HDHD5: variants seen among roughly 807,000 people sequenced by gnomAD.
HDHD5 encodes haloacid dehalogenase-like hydrolase domain-containing 5.
A neutral mutation model predicts 35.5 loss-of-function variants in HDHD5; 34 were observed. The ratio of observed to expected loss-of-function variants is 0.96; its 90% CI spans 0.73 to 1.28. HDHD5 has a LOEUF of 1.28. Among genes scored for constraint, HDHD5 ranks in the 50% most tolerant of loss-of-function variants. The pLI, the probability that HDHD5 is intolerant of heterozygous loss-of-function variation, is 0.00. For synonymous variants in HDHD5, 248 were observed against 240.6 expected (o/e 1.03, Z -0.29); for missense variants, 589 against 560.2 (o/e 1.05, Z -0.52).
At chr22:17,143,357 G>A (rs2061621015) in intron 4 of HDHD5, 3 of 474,326 alleles carry the variant, frequency 6.3e-6, no homozygotes, top group Non-Finnish European at 1.1e-5. Context: ...GACACCATGG[G>A]TGAAGTCACC....
intron 3 of HDHD5, among the ~76,000 whole-genome samples, chr22:17,147,805 C>T (rs540829675): frequency 6.6e-6 from 1 of 150,840 alleles, no homozygotes; most frequent in East Asian, 2.0e-4. Context: ...GTGAGCTTAC[C>T]GGCCTTCGAT....
At chr22:17,146,343 G>C (rs1216862232) in intron 3 of HDHD5, among the ~76,000 whole-genome samples, 2 of 150,080 alleles carry the variant, frequency 1.3e-5, no homozygotes, top group Admixed American at 1.3e-4. Flanking sequence ...ACATGCCATC[G>C]CACACGCTCC....
chr22:17,164,317 C>T (rs74320073), intron 1 of HDHD5, among the ~76,000 whole-genome samples: 1,833 of 151,692 alleles, frequency 0.012, 19 homozygotes, highest in East Asian at 0.058. Context: ...ATCTAGATGT[C>T]TGTAAACCTG....
chr22:17,152,852 G>A (rs899138665), intron 1 of HDHD5, among the ~76,000 whole-genome samples: 10 of 152,164 alleles, frequency 6.6e-5, no homozygotes, highest in African/African-American at 2.2e-4. Context: ...AAGACCCCCG[G>A]GAGAGGCAAT....
chr22:17,154,652 C>T (rs1318439294), intron 1 of HDHD5, among the ~76,000 whole-genome samples: 7 of 145,830 alleles, frequency 4.8e-5, no homozygotes, highest in Non-Finnish European at 8.9e-5. Flanking sequence ...AAGACAGGGT[C>T]GCACTCTGTC....
chr22:17,158,593 G>A lies in HDHD5; in HGVS notation c.126+533C>T, dbSNP rs576656446. 162 of 152,404 alleles carry A rather than the reference G, an allele frequency of 1.1e-3. 1 individual carries two copies. Among genetic ancestry groups the A allele is most frequent in the Non-Finnish European group, 1.9e-3 (129 of 68,124 alleles). The allele number at this position is 152,404 out of a possible 1,614,324, so 9.4% of individuals were successfully genotyped here. ...GCGGGGAGGCTCACACATCACTACC[G>A]CGCCGGGCACACAGCAGGCGCCGGC... On this transcript the variant is annotated intron_variant, in intron 1 of 7. Transcript: ENST00000336737.
upstream of HDHD5, among the ~76,000 whole-genome samples, chr22:17,163,107 T>C (rs2061873694): frequency 6.6e-6 from 1 of 152,250 alleles, no homozygotes; most frequent in Non-Finnish European, 1.5e-5. Context: ...ATCCAGATTA[T>C]GTTTTGTACC....
At chr22:17,139,773 A>G (rs140148250) in intron 6 of HDHD5, among the ~76,000 whole-genome samples, 3,112 of 152,260 alleles carry the variant, frequency 0.02, 110 homozygotes, top group African/African-American at 0.072. Context: ...GGGTTTTGCC[A>G]TGTTGGCCAG....
rs1467982576 is a variant in HDHD5 at position 17,159,179 on chromosome 22, C to A, written c.73G>T (p.Ala25Ser). ...CGGGCGGGGCGGCCCTGGAGCCCCG[C>A]AGCCGCGCGCGCCGCCCGCCAGCAA... is the stretch of plus-strand genomic sequence containing the variant. ...GLCWRAARAAAGLQGRPARRC... is the reference protein window; with the variant it reads ...GLCWRAARAASGLQGRPARRC... The change falls in exon 1 of 8, where the codon GCG becomes TCG. Residue 25 changes from alanine (A) to serine (S), a missense_variant. Transcript: ENST00000336737. 1 of 1,215,048 alleles carries A rather than the reference C, an allele frequency of 8.2e-7. No individual in the cohort carries two copies. Among genetic ancestry groups the A allele is most frequent in the East Asian group, 3.3e-5 (1 of 30,336 alleles). The allele number at this position is 1,215,048 out of a possible 1,614,324, so 75.3% of individuals were successfully genotyped here. A position where few individuals can be genotyped will look rare whatever the true frequency, so the allele number is the denominator to read the frequency against.
intron 3 of HDHD5, among the ~76,000 whole-genome samples, chr22:17,147,477 A>G (rs1451437038): frequency 3.4e-4 from 24 of 71,418 alleles, no homozygotes; most frequent in South Asian, 1.1e-3. Context: ...CACCTGTGGC[A>G]CACTCCTGTG....
Position 17,148,570 on chromosome 22 carries a change from C to A in HDHD5, c.331-10G>T, listed in dbSNP as rs750844788. On this transcript the variant is annotated splice_polypyrimidine_tract_variant and intron_variant, in intron 2 of 7. Transcript: ENST00000336737. The stretch of plus-strand genomic sequence containing the variant: ...CTTGGTCTGCATCCACCTGTAGGGA[C>A]AGCCAAGACAGGGGAGGGCAGAGGA... 1.3e-6 allele frequency: 2 copies of A among 1,594,186 alleles called. No individual in the cohort carries two copies. Among genetic ancestry groups the A allele is most frequent in the Admixed American group, 1.7e-5 (1 of 59,986 alleles).
At chr22:17,159,641 C>T, upstream of HDHD5, 1 of 383,812 alleles carries the variant, frequency 2.6e-6, no homozygotes, top group Non-Finnish European at 5.1e-6. Context: ...CAGGGCCGGG[C>T]CGCTGGGGCA....
intron 1 of HDHD5, among the ~76,000 whole-genome samples, chr22:17,156,579 A>G (rs1280074373): frequency 6.6e-6 from 1 of 152,202 alleles, no homozygotes. Flanking sequence ...GATCGAGACC[A>G]TCTTGGCTAA....
chr22:17,145,894 G>T lies in HDHD5; in HGVS notation c.444-777C>A, dbSNP rs552999446. On this transcript the variant is annotated intron_variant, in intron 3 of 7. Coordinates refer to ENST00000336737, the MANE Select transcript of HDHD5 (RefSeq NM_033070.3). The stretch of plus-strand genomic sequence containing the variant: ...GAACCCAAATCATCAAGGAAGAGGC[G>T]GCCTTGGGGAGGGGCAAGCCAGCTT... Among the ~76,000 whole-genome samples, 54 of 152,148 alleles carry T rather than the reference G, an allele frequency of 3.5e-4. 2 individuals are homozygous for T. The South Asian group carries it at 0.011, about 30-fold the overall frequency.
chr22:17,159,499 G>T, upstream of HDHD5: 1 of 471,298 alleles, frequency 2.1e-6, no homozygotes. Flanking sequence ...GCGCACAATG[G>T]GCACGGCCTG....
chr22:17,161,066 C>T (rs1250719372), upstream of HDHD5, among the ~76,000 whole-genome samples: 1 of 151,878 alleles, frequency 6.6e-6, no homozygotes, highest in East Asian at 1.9e-4. Flanking sequence ...ACCAGCCTGG[C>T]CAACATGGCG....
Position 17,149,764 on chromosome 22 carries a change from A to C in HDHD5, c.127-19T>G. 6.2e-7 allele frequency: 1 copy of C among 1,602,794 alleles called. No individual in the cohort carries two copies. The highest frequency in any genetic ancestry group is 8.5e-7 in the Non-Finnish European group (1 of 1,170,094). On this transcript the variant is annotated intron_variant, in intron 1 of 7. Coordinates refer to ENST00000336737, the MANE Select transcript of HDHD5 (RefSeq NM_033070.3). ...GTGGGCTCTGCAGAGATGGTAAGAT[A>C]ATTACCAGTACGTGAGTAACAAAGA... is the stretch of plus-strand genomic sequence containing the variant.
At chr22:17,157,512 C>A (rs1465324189) in intron 1 of HDHD5, among the ~76,000 whole-genome samples, 1 of 152,148 alleles carries the variant, frequency 6.6e-6, no homozygotes, top group Non-Finnish European at 1.5e-5. Flanking sequence ...TTCTAAAGCT[C>A]GTGCTCAAAC....
At chr22:17,161,634 G>A (rs575124050), upstream of HDHD5, among the ~76,000 whole-genome samples, 3 of 151,818 alleles carry the variant, frequency 2.0e-5, no homozygotes, top group East Asian at 3.9e-4. Context: ...TTGGGAAGCC[G>A]AGGCAGGTGG....
Sources: gnomAD v4.1 joint callset for allele counts (sites outside exome capture counted in the v4.1 genomes callset) on GRCh38, gnomAD v4.1.1 for gene constraint, MANE v1.5 for transcripts, NCBI Gene and HGNC (gene_info 2026-07-23, HGNC 2026-07-21) for gene names.